The following RANBP3L variants were observed in gnomAD, a reference collection of about 807,000 sequenced individuals.
RANBP3L encodes ran-binding protein 3-like.
A neutral mutation model predicts 67.2 loss-of-function variants in RANBP3L; 56 were observed. The ratio of observed to expected loss-of-function variants is 0.83; its 90% CI spans 0.67 to 1.04. The LOEUF (loss-of-function observed/expected upper bound fraction) is 1.04, where lower values mean the gene tolerates loss of function less well. RANBP3L is among the 50% of genes least tolerant of loss of function. RANBP3L has a pLI of 0.00. For missense variants in RANBP3L, 496 were observed against 535.5 expected, an observed-to-expected ratio of 0.93 and a Z score of 0.73; for synonymous variants, 164 against 181.4, an observed-to-expected ratio of 0.90 and a Z score of 0.77.
At chr5:36,265,977 C>CAAA (rs10717173) in intron 4 of RANBP3L, among the ~76,000 whole-genome samples, 3 of 76,072 alleles carry the variant, frequency 3.9e-5, no homozygotes, top group Admixed American at 1.6e-4. Flanking sequence ...GACTCCATTT[C>CAAA]AAAAAAAAAA....
In RANBP3L at chr5:36,249,075, A is replaced by G. The variant is rs1440040299; in HGVS notation, c.*579T>C. 6.6e-6 allele frequency: 1 copy of G among 152,112 alleles called. No homozygotes were observed. The highest frequency in any genetic ancestry group is 1.5e-5 in the Non-Finnish European group (1 of 67,954). The allele number at this position is 152,112 out of a possible 1,614,324, so 9.4% of individuals were successfully genotyped here. On this transcript the variant is annotated 3_prime_UTR_variant, in exon 14 of 14. Transcript: ENST00000296604. ...CATGAGTCAAACATTGACAAGATGCAACAGATACAAGTCCAAGAGCAGATG... is the reference window on the plus strand; with the variant it reads ...CATGAGTCAAACATTGACAAGATGCGACAGATACAAGTCCAAGAGCAGATG...
chr5:36,264,087 A>G (rs916624737), intron 6 of RANBP3L, among the ~76,000 whole-genome samples: 6 of 152,238 alleles, frequency 3.9e-5, no homozygotes, highest in Non-Finnish European at 8.8e-5. Flanking sequence ...TACTTTGCTG[A>G]TATAAAAAGA....
intron 1 of RANBP3L, among the ~76,000 whole-genome samples, chr5:36,273,338 A>G (rs909199440): frequency 6.6e-5 from 10 of 152,326 alleles, no homozygotes; most frequent in Admixed American, 6.5e-4. Context: ...TGGCAACATT[A>G]AAGAGGAAGT....
Position 36,261,971 on chromosome 5 carries a change from A to G in RANBP3L, c.552T>C (p.Thr184=). 6.2e-7 allele frequency: 1 copy of G among 1,600,900 alleles called. No individual in the cohort carries two copies. ...SRARISVQLS[T]NQDFLGATSV... ...ATGTTGCACCTAAAAAGTCCTGGTT[A>G]GTAGACAGCTGGACTGAAATTCTAG... Residue 184 remains threonine, a synonymous_variant, in exon 7 of 14, where the codon ACT becomes ACC. Transcript: ENST00000296604.
intron 1 of RANBP3L, among the ~76,000 whole-genome samples, chr5:36,300,930 G>A (rs1006487118): frequency 3.0e-4 from 46 of 152,246 alleles, no homozygotes; most frequent in African/African-American, 1.1e-3. Context: ...ACAAACTTAG[G>A]CTTAAACAAA....
rs114557678 is a variant in RANBP3L at position 36,266,469 on chromosome 5, G to A, written c.269-949C>T. On this transcript the variant is annotated intron_variant, in intron 4 of 13. Transcript: ENST00000296604. ...TTCTTTAAGGTGTTATAAATGTTGG[G>A]GTAGAATCCCTTCTCTACTTCAGAG... 3.0e-3 allele frequency among the ~76,000 whole-genome samples: 459 copies of A among 152,028 alleles called. 3 individuals are homozygous for A. Among genetic ancestry groups the A allele is most frequent in the African/African-American group, 0.01 (428 of 41,452 alleles).
intron 4 of RANBP3L, among the ~76,000 whole-genome samples, chr5:36,266,856 A>G (rs1323297197): frequency 3.3e-5 from 5 of 151,984 alleles, no homozygotes; most frequent in Non-Finnish European, 7.4e-5. Context: ...TCCTGGGTTC[A>G]AGCGATTCTC....
intron 4 of RANBP3L, chr5:36,268,147 T>C (rs773491241): frequency 4.4e-5 from 55 of 1,245,980 alleles, no homozygotes; most frequent in African/African-American, 6.2e-5. Context: ...AAGAATGATT[T>C]TGAAAAGTCA....
At chr5:36,252,892 C>G (rs1033500895) in intron 12 of RANBP3L, among the ~76,000 whole-genome samples, 1 of 151,806 alleles carries the variant, frequency 6.6e-6, no homozygotes, top group Non-Finnish European at 1.5e-5. Flanking sequence ...AGGCACCTGC[C>G]AGGTTTTTTT....
intron 7 of RANBP3L, among the ~76,000 whole-genome samples, chr5:36,261,090 C>G (rs1749351437): frequency 6.6e-6 from 1 of 152,310 alleles, no homozygotes; most frequent in East Asian, 1.9e-4. Flanking sequence ...CCAGTCCTGA[C>G]TGCCTCATGC....
intron 1 of RANBP3L, among the ~76,000 whole-genome samples, chr5:36,292,492 TG>T (rs1751867087): frequency 6.6e-6 from 1 of 152,214 alleles, no homozygotes; most frequent in Admixed American, 6.5e-5. Context: ...ATCTCCTGAA[TG>T]GTAATGTCTA....
chr5:36,261,442 C>G (rs1420357694), intron 7 of RANBP3L, among the ~76,000 whole-genome samples: 2 of 152,142 alleles, frequency 1.3e-5, no homozygotes, highest in African/African-American at 4.8e-5. Context: ...CGCACCTGGA[C>G]AGAGCCCAGT....
intron 11 of RANBP3L, among the ~76,000 whole-genome samples, chr5:36,254,369 G>A (rs1319438221): frequency 6.6e-6 from 1 of 152,064 alleles, no homozygotes; most frequent in African/African-American, 2.4e-5. Context: ...ATCTCAGGAA[G>A]ATAGGCCTTT....
chr5:36,292,114 C>G (rs1287594843), intron 1 of RANBP3L, among the ~76,000 whole-genome samples: 2 of 151,440 alleles, frequency 1.3e-5, no homozygotes, highest in East Asian at 1.9e-4. Context: ...GAGATGATAT[C>G]TCATTGTGGT....
intron 1 of RANBP3L, among the ~76,000 whole-genome samples, chr5:36,293,665 G>T (rs1751972971): frequency 7.0e-6 from 1 of 143,266 alleles, no homozygotes; most frequent in Admixed American, 7.2e-5. Flanking sequence ...TAATCATGTG[G>T]TTTTTGTCGT....
chr5:36,256,798 G>A (rs928190927), intron 10 of RANBP3L, 143 bp downstream of exon 10: 1 of 679,634 alleles, frequency 1.5e-6, no homozygotes, highest in East Asian at 2.8e-5. Context: ...CAATTTTTGA[G>A]AGCATCCAAC....
At chr5:36,289,240 T>C (rs1751538121) in intron 1 of RANBP3L, among the ~76,000 whole-genome samples, 1 of 152,164 alleles carries the variant, frequency 6.6e-6, no homozygotes, top group African/African-American at 2.4e-5. Flanking sequence ...AATAGATCAA[T>C]TTCTGGACTT....
Position 36,294,848 on chromosome 5 carries a change from C to CAT in RANBP3L, c.91+6476_91+6477dup, listed in dbSNP as rs906184402. ...TATATACATATATATGACATATAAA[C>CAT]ATATATATACTCATACATATATAGT... On this transcript the variant is annotated intron_variant, in intron 1 of 13. Transcript: ENST00000296604. Among the ~76,000 whole-genome samples the CAT allele has an allele frequency of 1.1e-4, 16 of 143,814 alleles. 1 individual carries two copies. In the Middle Eastern group the frequency reaches 0.015, roughly 137 times the overall value. The allele number at this position is 143,814 out of a possible 152,430, so 94.3% of individuals were successfully genotyped here.
At chr5:36,288,095 A>G (rs1168074049) in intron 1 of RANBP3L, among the ~76,000 whole-genome samples, 2 of 152,236 alleles carry the variant, frequency 1.3e-5, no homozygotes, top group Non-Finnish European at 2.9e-5. Context: ...TGTGTGCACA[A>G]GTAACCAAAA....
Sources: gnomAD v4.1 joint callset for allele counts (sites outside exome capture counted in the v4.1 genomes callset) on GRCh38, gnomAD v4.1.1 for gene constraint, MANE v1.5 for transcripts, NCBI Gene and HGNC (gene_info 2026-07-23, HGNC 2026-07-21) for gene names.